The following FHIT variants were observed in gnomAD, a reference collection of about 807,000 sequenced individuals.
FHIT encodes fragile histidine triad diadenosine triphosphatase, also known as bis(5'-adenosyl)-triphosphatase.
In FHIT, 19 loss-of-function variants were observed where a neutral mutation model predicts 17.9. The observed-to-expected ratio is 1.06, with a 90% CI of 0.74 to 1.56. The LOEUF (loss-of-function observed/expected upper bound fraction) is 1.56. Among genes scored for constraint, FHIT ranks in the 40% most tolerant of loss-of-function variants. The pLI is 0.00. For synonymous variants in FHIT, 81 were observed against 69.7 expected, an observed-to-expected ratio of 1.16 and a Z score of -0.81; for missense variants, 248 against 189.2, an observed-to-expected ratio of 1.31 and a Z score of -1.82.
At chr3:60,465,966 T>C (rs2032766794) in intron 5 of FHIT, among the ~76,000 whole-genome samples, 1 of 152,110 alleles carries the variant, frequency 6.6e-6, no homozygotes, top group Admixed American at 6.5e-5. Flanking sequence ...AATCTGCAGA[T>C]TGCTTTGGAT....
chr3:60,205,827 G>C (rs995301967), intron 5 of FHIT, among the ~76,000 whole-genome samples: 10 of 151,850 alleles, frequency 6.6e-5, no homozygotes, highest in African/African-American at 2.4e-4. Flanking sequence ...TAACACTTAA[G>C]GCTGGGCGCG....
At chr3:60,291,430 G>A (rs372372699) in intron 5 of FHIT, among the ~76,000 whole-genome samples, 48 of 151,872 alleles carry the variant, frequency 3.2e-4, no homozygotes, top group African/African-American at 1.1e-3. Flanking sequence ...CATGTTGCCC[G>A]TTTCTTTACT....
At chr3:60,245,987 C>A (rs1238937643) in intron 5 of FHIT, among the ~76,000 whole-genome samples, 1 of 151,958 alleles carries the variant, frequency 6.6e-6, no homozygotes, top group Non-Finnish European at 1.5e-5. Context: ...AAAAAATTTT[C>A]TTAAATTTGC....
At chr3:59,809,081 A>T (rs1446438666) in intron 8 of FHIT, among the ~76,000 whole-genome samples, 3 of 152,228 alleles carry the variant, frequency 2.0e-5, no homozygotes, top group Admixed American at 1.3e-4. Context: ...CTTAAACTTG[A>T]AATGTTGTTT....
At chr3:59,881,429 T>C (rs1703406654) in intron 8 of FHIT, among the ~76,000 whole-genome samples, 1 of 152,218 alleles carries the variant, frequency 6.6e-6, no homozygotes, top group African/African-American at 2.4e-5. Context: ...AAAATCATTT[T>C]AGTGTGGAAA....
intron 9 of FHIT, chr3:59,751,990 G>A: frequency 2.3e-6 from 1 of 432,830 alleles, no homozygotes; most frequent in East Asian, 3.6e-5. Flanking sequence ...GGTGGGCTGG[G>A]GGCACTGGCT....
chr3:60,287,197 C>G (rs1576424505), intron 5 of FHIT, among the ~76,000 whole-genome samples: 1 of 152,144 alleles, frequency 6.6e-6, no homozygotes, highest in Non-Finnish European at 1.5e-5. Flanking sequence ...CAGACAGAGT[C>G]TTGCTCTGTC....
At chr3:60,460,578 G>C (rs1370034060) in intron 5 of FHIT, among the ~76,000 whole-genome samples, 1 of 152,088 alleles carries the variant, frequency 6.6e-6, no homozygotes, top group African/African-American at 2.4e-5. Flanking sequence ...TGTTTATTCA[G>C]ATCCACCTTG....
chr3:59,848,248 G>T (rs188913871), intron 8 of FHIT, among the ~76,000 whole-genome samples: 198 of 152,232 alleles, frequency 1.3e-3, no homozygotes, highest in African/African-American at 4.5e-3. Context: ...ATCACAATTT[G>T]TGCCCCTTTC....
intron 5 of FHIT, among the ~76,000 whole-genome samples, chr3:60,021,402 C>A (rs1700549448): frequency 6.6e-6 from 1 of 152,152 alleles, no homozygotes; most frequent in African/African-American, 2.4e-5. Context: ...GAGTCCGCAG[C>A]CCGATAGCAT....
intron 4 of FHIT, among the ~76,000 whole-genome samples, chr3:60,559,879 G>T (rs1400984654): frequency 6.6e-6 from 1 of 152,300 alleles, no homozygotes; most frequent in East Asian, 1.9e-4. Flanking sequence ...GAGTCTTCCT[G>T]TGTTGGTGGC....
intron 5 of FHIT, among the ~76,000 whole-genome samples, chr3:60,025,022 G>C (rs1313338146): frequency 6.6e-6 from 1 of 152,170 alleles, no homozygotes; most frequent in Non-Finnish European, 1.5e-5. Flanking sequence ...TTTGAGGTAG[G>C]AGCAACAAGA....
chr3:60,803,061 G>A (rs1191085043), intron 4 of FHIT, among the ~76,000 whole-genome samples: 1 of 152,120 alleles, frequency 6.6e-6, no homozygotes, highest in Non-Finnish European at 1.5e-5. Flanking sequence ...TTCAACTGTT[G>A]ATGGCATCAC....
At chr3:60,059,097 C>G (rs1434392958) in intron 5 of FHIT, among the ~76,000 whole-genome samples, 26 of 152,154 alleles carry the variant, frequency 1.7e-4, no homozygotes, top group Admixed American at 1.7e-3. Context: ...GAAAGCCACG[C>G]TACCATCAGG....
chr3:59,921,489 C>T (rs899930142), intron 8 of FHIT, among the ~76,000 whole-genome samples: 2 of 152,336 alleles, frequency 1.3e-5, no homozygotes, highest in Non-Finnish European at 2.9e-5. Context: ...CTATCCAATG[C>T]CCTTGGCAGG....
chr3:60,781,720 T>A (rs1254189910), intron 4 of FHIT, among the ~76,000 whole-genome samples: 3 of 152,154 alleles, frequency 2.0e-5, no homozygotes, highest in African/African-American at 4.8e-5. Context: ...AAGCTTAAGG[T>A]CTTCTACAAA....
At chr3:60,716,531 G>A (rs1553706849) in intron 4 of FHIT, among the ~76,000 whole-genome samples, 1 of 152,030 alleles carries the variant, frequency 6.6e-6, no homozygotes, top group Non-Finnish European at 1.5e-5. Context: ...GGCAGTAACA[G>A]GCATGAAGTT....
At chr3:59,918,056 C>T (rs1705217794) in intron 8 of FHIT, among the ~76,000 whole-genome samples, 1 of 152,202 alleles carries the variant, frequency 6.6e-6, no homozygotes, top group South Asian at 2.1e-4. Flanking sequence ...TCCATCAATG[C>T]CCCATTAAAT....
chr3:60,140,914 G>A (rs1310677723), intron 5 of FHIT, among the ~76,000 whole-genome samples: 7 of 152,006 alleles, frequency 4.6e-5, no homozygotes, highest in Admixed American at 6.6e-5. Context: ...CTGAGTACTC[G>A]GATCTAGGGT....
Sources: allele counts gnomAD v4.1 joint callset (sites outside exome capture counted in the v4.1 genomes callset), GRCh38; gene constraint gnomAD v4.1.1; transcripts MANE v1.5; gene names NCBI Gene and HGNC (gene_info 2026-07-23, HGNC 2026-07-21).